Variants in ELAPOR2 observed in about 807,000 individuals in gnomAD.
ELAPOR2 encodes endosome/lysosome-associated apoptosis and autophagy regulator family member 2.
In ELAPOR2, 89 loss-of-function variants were observed where a neutral mutation model predicts 120.7. The observed-to-expected ratio is 0.74, with a 90% CI of 0.62 to 0.88. ELAPOR2 has a LOEUF of 0.88. Among genes scored for constraint, ELAPOR2 ranks in the 40% least tolerant of loss-of-function variants. The pLI is 0.00. For missense variants in ELAPOR2, 1,134 were observed against 1,251.6 expected, an observed-to-expected ratio of 0.91 and a Z score of 1.42; for synonymous variants, 444 against 444.9, an observed-to-expected ratio of 1.00 and a Z score of 0.03.
chr7:86,917,404 G>A (rs927299935), intron 12 of ELAPOR2, among the ~76,000 whole-genome samples: 1 of 152,084 alleles, frequency 6.6e-6, no homozygotes, highest in African/African-American at 2.4e-5. Context: ...GCAACAGAGT[G>A]AGACTTTGTC....
intron 1 of ELAPOR2, among the ~76,000 whole-genome samples, chr7:87,041,175 T>G (rs938338766): frequency 2.6e-5 from 4 of 152,110 alleles, no homozygotes; most frequent in Non-Finnish European, 5.9e-5. Context: ...TGGAACCAAG[T>G]TGGAAAACAC....
intron 1 of ELAPOR2, among the ~76,000 whole-genome samples, chr7:86,992,580 A>AT (rs1395519294): frequency 6.6e-6 from 1 of 152,248 alleles, no homozygotes; most frequent in Non-Finnish European, 1.5e-5. Flanking sequence ...TAAAATGGAT[A>AT]TTTATCATTA....
chr7:87,030,439 A>T (rs1214368199), intron 1 of ELAPOR2, among the ~76,000 whole-genome samples: 1 of 151,716 alleles, frequency 6.6e-6, no homozygotes, highest in Non-Finnish European at 1.5e-5. Flanking sequence ...CCACCAAAAG[A>T]AAAAAAAAGA....
intron 1 of ELAPOR2, among the ~76,000 whole-genome samples, chr7:87,000,481 T>C (rs911783315): frequency 6.6e-6 from 1 of 152,190 alleles, no homozygotes. Flanking sequence ...TGGCCCAGAC[T>C]CTGCGTCTGA....
chr7:86,929,959 G>A (rs780405347), intron 8 of ELAPOR2, among the ~76,000 whole-genome samples: 15 of 151,810 alleles, frequency 9.9e-5, no homozygotes, highest in South Asian at 2.1e-4. Flanking sequence ...TCTCAGCCAC[G>A]TTTCCTGTAC....
intron 1 of ELAPOR2, among the ~76,000 whole-genome samples, chr7:86,972,260 G>T (rs148644457): frequency 0.016 from 2,438 of 152,228 alleles, 37 homozygotes; most frequent in South Asian, 0.05. Context: ...GAATTCAGCT[G>T]CACCACCCAA....
chr7:86,910,630 T>C (rs10271867), intron 15 of ELAPOR2, among the ~76,000 whole-genome samples: 32,660 of 151,964 alleles, frequency 0.21, 5,695 homozygotes, highest in African/African-American at 0.49. Context: ...TTAATAATTT[T>C]GAAAATAATT....
intron 19 of ELAPOR2, among the ~76,000 whole-genome samples, chr7:86,895,835 A>G (rs1483434056): frequency 3.3e-5 from 5 of 152,112 alleles, no homozygotes; most frequent in African/African-American, 9.7e-5. Flanking sequence ...TTCGTTTTTC[A>G]TTTACTCTAA....
At chr7:86,971,723 A>C (rs898499175) in intron 1 of ELAPOR2, among the ~76,000 whole-genome samples, 4 of 152,314 alleles carry the variant, frequency 2.6e-5, no homozygotes, top group South Asian at 2.1e-4. Flanking sequence ...TATTTCTGGA[A>C]GATGAAAAGC....
chr7:86,959,018 T>G, intron 2 of ELAPOR2, among the ~76,000 whole-genome samples: 1 of 137,810 alleles, frequency 7.3e-6, no homozygotes, highest in East Asian at 2.0e-4. Context: ...GTTTATCATT[T>G]TCAGTGTACA....
chr7:86,909,971 T>A lies in ELAPOR2; in HGVS notation c.2200A>T (p.Ile734Leu), dbSNP rs369344108. 13 of 1,612,444 alleles carry A rather than the reference T, an allele frequency of 8.1e-6. No individual in the cohort carries two copies. In the African/African-American group the frequency reaches 1.7e-4, roughly 22 times the overall value. ...ATTTCTTTTACTGTAAAGTCTGTTA[T>A]ATTGTTGGTACAGAGAGCCATCTTC... ...GKKMALCTNNITDFTVKEIVA... is the reference protein window; with the variant it reads ...GKKMALCTNNLTDFTVKEIVA... The change falls in exon 16 of 22, where the codon ATA (isoleucine) becomes TTA (leucine). Residue 734 changes from isoleucine (I) to leucine (L), a missense_variant. Physicochemically the swap from Ile to Leu is conservative, Grantham distance 5. Coordinates refer to ENST00000450689, the MANE Select transcript of ELAPOR2 (RefSeq NM_001142749.3).
chr7:86,914,645 T>C, intron 13 of ELAPOR2, 78 bp downstream of exon 13: 1 of 1,223,432 alleles, frequency 8.2e-7, no homozygotes, highest in Non-Finnish European at 1.1e-6. Flanking sequence ...CAAATTTGAG[T>C]TATCACTTTG....
At chr7:86,884,749 C>A (rs149612069) in intron 21 of ELAPOR2, among the ~76,000 whole-genome samples, 2 of 152,060 alleles carry the variant, frequency 1.3e-5, no homozygotes, top group Non-Finnish European at 2.9e-5. Context: ...TGAGAGATTA[C>A]GAAAATTTTG....
intron 1 of ELAPOR2, among the ~76,000 whole-genome samples, chr7:87,008,088 G>A (rs1008857271): frequency 3.3e-5 from 5 of 152,246 alleles, no homozygotes; most frequent in Admixed American, 3.3e-4. Flanking sequence ...TGAAAGTCCT[G>A]TCATACTCAA....
intron 3 of ELAPOR2, among the ~76,000 whole-genome samples, chr7:86,946,159 T>TCACACACACACACACA (rs3223108): frequency 0.032 from 4,749 of 146,300 alleles, 74 homozygotes; most frequent in Non-Finnish European, 0.036. Flanking sequence ...ATACCATTTC[T>TCACACACACACACACA]CACACACACA....
intron 10 of ELAPOR2, among the ~76,000 whole-genome samples, chr7:86,923,022 T>C (rs1789896113): frequency 6.6e-6 from 1 of 151,990 alleles, no homozygotes; most frequent in Middle Eastern, 3.2e-3. Flanking sequence ...TTTAACATTC[T>C]TTTTAGTATT....
At chr7:86,920,882 C>T (rs568467602) in intron 10 of ELAPOR2, 1 of 152,172 alleles carries the variant, frequency 6.6e-6, no homozygotes, top group Non-Finnish European at 1.5e-5. Context: ...CTCCTCAAAC[C>T]CTCATCTCAA....
intron 1 of ELAPOR2, among the ~76,000 whole-genome samples, chr7:86,988,925 T>C (rs1562957943): frequency 6.6e-6 from 1 of 152,194 alleles, no homozygotes; most frequent in African/African-American, 2.4e-5. Context: ...TCTCAAAGTT[T>C]AAAAAAGACA....
intron 1 of ELAPOR2, among the ~76,000 whole-genome samples, chr7:87,033,815 T>C (rs919833344): frequency 3.3e-5 from 5 of 151,848 alleles, no homozygotes; most frequent in African/African-American, 4.8e-5. Flanking sequence ...TCAAAAGAAA[T>C]TGAATAAATG....
Sources: allele counts gnomAD v4.1 joint callset (sites outside exome capture counted in the v4.1 genomes callset), GRCh38; gene constraint gnomAD v4.1.1; transcripts MANE v1.5; gene names NCBI Gene and HGNC (gene_info 2026-07-23, HGNC 2026-07-21).